The following SRCAP variants were observed in gnomAD, a reference collection of about 807,000 sequenced individuals.
SRCAP encodes the protein chromatin remodeling protein SRCAP.
In SRCAP, 46 loss-of-function variants were observed where a neutral mutation model predicts 263.1. The ratio of observed to expected loss-of-function variants is 0.17; its 90% CI spans 0.14 to 0.22. The LOEUF is 0.22. Among genes scored for constraint, SRCAP ranks in the 10% least tolerant of loss-of-function variants. The pLI, the probability that SRCAP is intolerant of heterozygous loss-of-function variation, is 1.00. For missense variants in SRCAP, 3,695 were observed against 4,181.9 expected, an observed-to-expected ratio of 0.88 and a Z score of 3.21; for synonymous variants, 1,813 against 1,662.1, an observed-to-expected ratio of 1.09 and a Z score of -2.21.
chr16:30,716,226 C>T (rs1398223599), intron 17 of SRCAP, 24 bp downstream of exon 17: 1 of 1,613,682 alleles, frequency 6.2e-7, no homozygotes, highest in Admixed American at 1.7e-5. Flanking sequence ...GAGGGTGGGC[C>T]CTGGGACTCG....
intron 30 of SRCAP, 171 bp from the exon 31 acceptor site, chr16:30,734,325 G>A (rs28580717): frequency 2.0e-6 from 2 of 982,010 alleles, no homozygotes; most frequent in Non-Finnish European, 3.0e-6. Context: ...CCTGGGTGAC[G>A]AGCAAAACCG....
chr16:30,715,052 G>A (rs1168658054), intron 16 of SRCAP, among the ~76,000 whole-genome samples: 1 of 151,968 alleles, frequency 6.6e-6, no homozygotes, highest in Non-Finnish European at 1.5e-5. Context: ...TCATTCCTAA[G>A]GCTTTGACTA....
chr16:30,737,383 C>T lies in SRCAP; in HGVS notation c.7343C>T (p.Ala2448Val), dbSNP rs781181847. Residue 2448 changes from alanine (A) to valine (V), a missense_variant, in exon 34 of 34, where the codon GCT becomes GTT. Physicochemically the swap from Ala to Val is moderately conservative, Grantham distance 64. Around this residue, in one of 12 missense-constraint regions of SRCAP, gnomAD observed 1,207 missense variants for 1,142.9 expected, o/e 1.06. Transcript: ENST00000262518. Reference protein sequence around the residue: ...RPAPRPRPTPASAPAAIPALV... With the variant: ...RPAPRPRPTPVSAPAAIPALV... ...GCACCTAGGCCTCGACCCACTCCAG[C>T]TTCAGCTCCGGCTGCAATTCCTGCC... 6.2e-7 allele frequency: 1 copy of T among 1,613,052 alleles called. No individual in the cohort carries two copies. The highest frequency in any genetic ancestry group is 8.5e-7 in the Non-Finnish European group (1 of 1,179,608).
At chr16:30,715,422 G>T (rs1383909173) in intron 16 of SRCAP, among the ~76,000 whole-genome samples, 1 of 152,016 alleles carries the variant, frequency 6.6e-6, no homozygotes, top group Admixed American at 6.6e-5. Context: ...AAAATTAGCC[G>T]GGCGCGGTGG....
rs926151986 is a variant in SRCAP, at chr16:30,737,745, G to A, written c.7705G>A (p.Val2569Met). ...ASPESLELASVASSETSSLSL... is the reference protein window; with the variant it reads ...ASPESLELASMASSETSSLSL... ...TCCAGAGTCCCTGGAGCTGGCTTCTGTGGCCAGTTCAGAAACCTCCTCACT... is the reference window on the plus strand; with the variant it reads ...TCCAGAGTCCCTGGAGCTGGCTTCTATGGCCAGTTCAGAAACCTCCTCACT... The change falls in exon 34 of 34, where the codon GTG (valine) becomes ATG (methionine). Residue 2569 changes from valine (V) to methionine (M), a missense_variant. This residue lies in a region of SRCAP where 1,207 missense variants were observed against 1,142.9 expected (regional missense o/e 1.06). Coordinates refer to ENST00000262518, the MANE Select transcript of SRCAP (RefSeq NM_006662.3). The A allele has an allele frequency of 8.7e-6, 14 of 1,614,088 alleles. No homozygotes were observed. In the African/African-American group the frequency reaches 1.9e-4, roughly 22 times the overall value.
At chr16:30,732,833 C>T (rs904316382) in intron 27 of SRCAP, among the ~76,000 whole-genome samples, 9 of 152,206 alleles carry the variant, frequency 5.9e-5, no homozygotes, top group African/African-American at 1.9e-4. Context: ...TGGAGTTAAA[C>T]GTAGATAGAT....
At chr16:30,732,923 C>G (rs954932200) in intron 27 of SRCAP, among the ~76,000 whole-genome samples, 1 of 152,140 alleles carries the variant, frequency 6.6e-6, no homozygotes, top group East Asian at 1.9e-4. Context: ...ACCTCTGCCT[C>G]CTGGGTTCAA....
In SRCAP at chr16:30,733,036, A is replaced by T. The variant is rs1426324950; in HGVS notation, c.6128-244A>T. ...TTTTTAGTAGAGACAGGGTCTCATC[A>T]TGTTGGCCAGGCTGGTCTTGAACTC... is the stretch of plus-strand genomic sequence containing the variant. On this transcript the variant is annotated intron_variant, in intron 27 of 33. Coordinates refer to ENST00000262518, the MANE Select transcript of SRCAP (RefSeq NM_006662.3). The surrounding 1 kb of genome is among the most constrained non-coding windows in gnomAD (Gnocchi z 5.3). 6.6e-6 allele frequency among the ~76,000 whole-genome samples: 1 copy of T among 152,110 alleles called. No individual in the cohort carries two copies. Among genetic ancestry groups the T allele is most frequent in the Non-Finnish European group, 1.5e-5 (1 of 68,026 alleles).
At chr16:30,701,840 C>G (rs1423334766) in intron 3 of SRCAP, among the ~76,000 whole-genome samples, 1 of 151,640 alleles carries the variant, frequency 6.6e-6, no homozygotes, top group East Asian at 1.9e-4. Context: ...TCATGTTGGC[C>G]AGGCTGGTCT....
Position 30,713,606 on chromosome 16 carries a change from C to G in SRCAP, c.2388C>G (p.Val796=). 6.2e-7 allele frequency: 1 copy of G among 1,614,208 alleles called. No individual in the cohort carries two copies. The highest frequency in any genetic ancestry group is 8.5e-7 in the Non-Finnish European group (1 of 1,180,042). ...WSLMHFLMPH[V]FQSHREFKEW... is the part of the protein sequence containing the mutation. ...TGATGCACTTTTTGATGCCCCATGT[C>G]TTCCAGTCTCATCGCGAGTTCAAGG... Residue 796 remains valine (V), a synonymous_variant, in exon 16 of 34, where the codon GTC becomes GTG. Coordinates refer to ENST00000262518, the MANE Select transcript of SRCAP (RefSeq NM_006662.3).
chr16:30,707,482 T>C, intron 5 of SRCAP, 90 bp from the exon 6 acceptor site: 3 of 1,605,940 alleles, frequency 1.9e-6, no homozygotes, highest in Non-Finnish European at 2.6e-6. Context: ...CTCTTGATTT[T>C]CCAGATTTCT....
rs748676431 is a variant in SRCAP at position 30,728,969 on chromosome 16, T to G, written c.5662T>G (p.Ser1888Ala). Residue 1888 changes from serine (S) to alanine (A), a missense_variant, in exon 26 of 34, where the codon TCC (serine) becomes GCC (alanine). By Grantham distance (99) the Ser-to-Ala change is moderately conservative. Transcript: ENST00000262518. ...CCTCTTTTTCTCTCACCCCCAGGAC[T>G]CCCTGGAGGAAAAGCGGAAGCGGCA... ...PPPRSPFYLD[S>A]LEEKRKRQRS... The G allele has an allele frequency of 6.2e-7, 1 of 1,611,448 alleles. No individual in the cohort carries two copies. The highest frequency in any genetic ancestry group is 8.5e-7 in the Non-Finnish European group (1 of 1,177,858).
At chr16:30,701,402 C>T (rs947663749) in intron 3 of SRCAP, 1 of 152,194 alleles carries the variant, frequency 6.6e-6, no homozygotes, top group African/African-American at 2.4e-5. Context: ...CTGTATCCTC[C>T]CAGTTTTAGT....
In SRCAP at chr16:30,739,679, T is replaced by C; in HGVS notation, c.9639T>C (p.Pro3213=). 1 of 1,554,066 alleles carries C rather than the reference T, an allele frequency of 6.4e-7. No individual in the cohort carries two copies. The highest frequency in any genetic ancestry group is 1.2e-5 in the South Asian group (1 of 83,750). ...GDQRILRSSA[P]PSLAGPAVSH... is the part of the protein sequence containing the mutation. ...AGCGCATCCTGCGCAGCAGCGCCCCTCCCTCCCTGGCTGGCCCTGCTGTTA... is the reference window on the plus strand; with the variant it reads ...AGCGCATCCTGCGCAGCAGCGCCCCCCCCTCCCTGGCTGGCCCTGCTGTTA... The change falls in exon 34 of 34, where the codon CCT becomes CCC. Residue 3213 remains proline (P), a synonymous_variant. Coordinates refer to ENST00000262518, the MANE Select transcript of SRCAP (RefSeq NM_006662.3).
chr16:30,724,195 G>C lies in SRCAP; in HGVS notation c.4771G>C (p.Ala1591Pro), dbSNP rs1410022109. 2 of 1,613,596 alleles carry C rather than the reference G, an allele frequency of 1.2e-6. No individual in the cohort carries two copies. Among genetic ancestry groups the C allele is most frequent in the Non-Finnish European group, 1.7e-6 (2 of 1,179,936 alleles). The change falls in exon 25 of 34, where the codon GCG becomes CCG. Residue 1591 changes from alanine to proline, a missense_variant. Ala to Pro is a conservative substitution (Grantham distance 27). This residue lies in a region of SRCAP where 1,347 missense variants were observed against 1,304.4 expected (regional missense o/e 1.03). Coordinates refer to ENST00000262518, the MANE Select transcript of SRCAP (RefSeq NM_006662.3). ...QALATPLAPM[A>P]APQTAILAPS... ...TCTAGCCACCCCTCTGGCTCCTATG[G>C]CGGCTCCACAGACAGCAATTCTGGC... is the stretch of plus-strand genomic sequence containing the variant.
In SRCAP at chr16:30,736,519, TCAC is replaced by T; in HGVS notation, c.6925-17_6925-15del. 1 of 1,613,948 alleles carries T rather than the reference TCAC, an allele frequency of 6.2e-7. No homozygotes were observed. Among genetic ancestry groups the T allele is most frequent in the Non-Finnish European group, 8.5e-7 (1 of 1,179,940 alleles). On this transcript the variant is annotated intron_variant, in intron 32 of 33. Coordinates refer to ENST00000262518, the MANE Select transcript of SRCAP (RefSeq NM_006662.3). ...CCTGGGTACCAGGTTCCTAAGTTTA[TCAC>T]CACCGCTCCTCCTTGCAGCTGACCC...
chr16:30,720,193 G>A lies in SRCAP; in HGVS notation c.2849G>A (p.Gly950Asp). 1.9e-6 allele frequency: 3 copies of A among 1,613,532 alleles called. No individual in the cohort carries two copies. Among genetic ancestry groups the A allele is most frequent in the South Asian group, 1.1e-5 (1 of 91,044 alleles). ...GACATGGGTCGATTTGACCTTATTG[G>A]CCTGGAAGGTCGTGTCTCTCGATAT... is the stretch of plus-strand genomic sequence containing the variant. ...RIDMGRFDLI[G>D]LEGRVSRYEA... Residue 950 changes from glycine to aspartate, a missense_variant, in exon 19 of 34, where the codon GGC (glycine) becomes GAC (aspartate). Physicochemically the swap from Gly to Asp is moderately conservative, Grantham distance 94. Transcript: ENST00000262518.
intron 25 of SRCAP, chr16:30,726,189 G>T (rs1479059386): frequency 6.6e-6 from 1 of 152,092 alleles, no homozygotes; most frequent in Non-Finnish European, 1.5e-5. Context: ...ATTTTATTGT[G>T]TTATAGCGTA....
chr16:30,714,765 C>T (rs2052929628), intron 16 of SRCAP, among the ~76,000 whole-genome samples: 1 of 152,050 alleles, frequency 6.6e-6, no homozygotes, highest in Non-Finnish European at 1.5e-5. Flanking sequence ...GCTTGGCCTC[C>T]CAAAGTGTTG....
Sources: allele counts gnomAD v4.1 joint callset (sites outside exome capture counted in the v4.1 genomes callset), GRCh38; gene constraint gnomAD v4.1.1; regional missense constraint gnomAD v4.1.1; non-coding constraint Gnocchi (gnomAD v3.1); transcripts MANE v1.5; gene names NCBI Gene and HGNC (gene_info 2026-07-23, HGNC 2026-07-21).